RNF150: variants seen among roughly 807,000 people sequenced by gnomAD.
The protein encoded by RNF150 is ring finger protein 150.
RNF150 carries 24 observed loss-of-function variants against 39.3 expected under a neutral mutation model. The observed-to-expected ratio is 0.61, with a 90% CI of 0.44 to 0.86. The LOEUF is 0.86. RNF150 is among the 40% of genes least tolerant of loss of function. The probability of loss-of-function intolerance (pLI) is 0.00; values close to 1 mark genes in which losing one functional copy is unlikely to be tolerated. For missense variants in RNF150, 502 were observed against 587.8 expected (o/e 0.85, Z 1.51); for synonymous variants, 255 against 227.3 (o/e 1.12, Z -1.10).
At position 140,911,372 on chromosome 4, in the gene RNF150, G is replaced by T; in HGVS notation, c.988-18C>A. On this transcript the variant is annotated intron_variant, in intron 5 of 6. Transcript: ENST00000515673. Reference sequence around the variant, plus strand: ...GCATTGGGCTGATGGGGCAGAAAAAGATCTGTTCTCAGTACATGTCATCCA... The same window carrying T: ...GCATTGGGCTGATGGGGCAGAAAAATATCTGTTCTCAGTACATGTCATCCA... The T allele has an allele frequency of 4.4e-6, 7 of 1,608,844 alleles. No individual in the cohort carries two copies. The South Asian group carries it at 5.5e-5, about 13-fold the overall frequency.
intron 4 of RNF150, among the ~76,000 whole-genome samples, chr4:140,942,970 C>T (rs575872731): frequency 7.2e-5 from 11 of 152,314 alleles, no homozygotes; most frequent in African/African-American, 2.4e-4. Context: ...CTGCTTTTCT[C>T]TGTCTTCTGT....
chr4:141,171,460 AAGAG>A (rs67118049), intron 1 of RNF150, among the ~76,000 whole-genome samples: 72,509 of 148,368 alleles, frequency 0.49, 17,703 homozygotes, highest in East Asian at 0.82. Flanking sequence ...GACAGACAGA[AAGAG>A]AGAGAGAGAG....
chr4:140,962,301 C>A (rs888068617), intron 2 of RNF150, among the ~76,000 whole-genome samples: 3 of 151,824 alleles, frequency 2.0e-5, no homozygotes, highest in Non-Finnish European at 4.4e-5. Context: ...ATAAAATAAA[C>A]TTTAAAATTC....
upstream of RNF150, among the ~76,000 whole-genome samples, chr4:141,136,355 GA>G (rs150843030): frequency 1.3e-4 from 19 of 150,522 alleles, no homozygotes; most frequent in South Asian, 1.3e-3. Context: ...AAATGGTTCA[GA>G]AAAAAAAATG....
intron 2 of RNF150, among the ~76,000 whole-genome samples, chr4:140,951,603 G>A (rs1048766050): frequency 1.9e-4 from 29 of 151,076 alleles, no homozygotes; most frequent in African/African-American, 6.1e-4. Context: ...GCCAGTTAAC[G>A]GGAATATTTA....
chr4:140,904,140 G>C lies in RNF150; in HGVS notation c.1198+7004C>G, dbSNP rs113943448. Among the ~76,000 whole-genome samples the C allele has an allele frequency of 7.7e-3, 1,169 of 152,298 alleles. 25 individuals carry two copies. Among genetic ancestry groups the C allele is most frequent in the African/African-American group, 0.025 (1,055 of 41,544 alleles). On this transcript the variant is annotated intron_variant, in intron 6 of 6. Transcript: ENST00000515673. ...TTGGAACAGCTGTGCCTCTGGTGAA[G>C]CTGCCATGGAGATGGTGAGCTAGAG...
chr4:141,162,074 G>A (rs1727522318), intron 1 of RNF150, among the ~76,000 whole-genome samples: 2 of 152,160 alleles, frequency 1.3e-5, no homozygotes, highest in Non-Finnish European at 2.9e-5. Flanking sequence ...GAATGGTAGA[G>A]CCCTTGACAG....
At chr4:141,066,422 CA>C (rs532084625) in intron 1 of RNF150, among the ~76,000 whole-genome samples, 184 of 152,278 alleles carry the variant, frequency 1.2e-3, no homozygotes, top group Non-Finnish European at 2.3e-3. Context: ...AGAAATTAGA[CA>C]CTGAAGCCTA....
At chr4:141,000,010 AGAAGAAGAAGAAGAAG>A (rs1734565314) in intron 1 of RNF150, among the ~76,000 whole-genome samples, 13 of 37,364 alleles carry the variant, frequency 3.5e-4, no homozygotes, top group Non-Finnish European at 4.4e-4. Flanking sequence ...AAGAAGAAGA[AGAAGAAGAAGAAGAAG>A]AAGAAGAAGA....
intron 6 of RNF150, among the ~76,000 whole-genome samples, chr4:140,889,970 T>C (rs1221898619): frequency 6.6e-6 from 1 of 152,196 alleles, no homozygotes; most frequent in Non-Finnish European, 1.5e-5. Context: ...TGATGTTTCA[T>C]TTAAGCCTGC....
At chr4:140,978,969 T>C (rs961874284) in intron 1 of RNF150, among the ~76,000 whole-genome samples, 4 of 152,142 alleles carry the variant, frequency 2.6e-5, no homozygotes, top group Non-Finnish European at 5.9e-5. Flanking sequence ...ATATAAAATA[T>C]ATTAAATTCT....
chr4:140,919,313 A>T (rs1048913918), intron 5 of RNF150, among the ~76,000 whole-genome samples: 8 of 143,866 alleles, frequency 5.6e-5, no homozygotes, highest in African/African-American at 2.1e-4. Context: ...AAATCTCCTT[A>T]AGCTGATAAG....
chr4:141,169,852 C>T (rs992860016), intron 1 of RNF150, among the ~76,000 whole-genome samples: 1 of 151,872 alleles, frequency 6.6e-6, no homozygotes, highest in African/African-American at 2.4e-5. Flanking sequence ...AGTCATTTAA[C>T]ACATTTTTTT....
chr4:140,893,962 G>T (rs960619949), intron 6 of RNF150, among the ~76,000 whole-genome samples: 2 of 152,154 alleles, frequency 1.3e-5, no homozygotes, highest in African/African-American at 4.8e-5. Context: ...CAAGTCCATA[G>T]GGAGTTCCTG....
At chr4:140,921,650 G>T (rs982767671) in intron 5 of RNF150, among the ~76,000 whole-genome samples, 19 of 152,024 alleles carry the variant, frequency 1.2e-4, no homozygotes, top group Non-Finnish European at 2.4e-4. Context: ...CCAAAGCCTG[G>T]CAGAGACACA....
intron 1 of RNF150, among the ~76,000 whole-genome samples, chr4:140,977,595 T>C (rs1733711076): frequency 6.6e-6 from 1 of 152,146 alleles, no homozygotes; most frequent in Non-Finnish European, 1.5e-5. Context: ...GCACTTTACG[T>C]CCATATTATA....
chr4:141,109,602 A>T (rs968013619), intron 1 of RNF150, among the ~76,000 whole-genome samples: 1 of 152,036 alleles, frequency 6.6e-6, no homozygotes, highest in Non-Finnish European at 1.5e-5. Context: ...AAAATTTAAG[A>T]TGGGCCTTGA....
chr4:140,917,718 C>A (rs1434197466), intron 5 of RNF150, among the ~76,000 whole-genome samples: 1 of 151,972 alleles, frequency 6.6e-6, no homozygotes, highest in Non-Finnish European at 1.5e-5. Flanking sequence ...ACTCTCCACC[C>A]CAAATCAACA....
At chr4:140,889,005 G>T (rs1334816712) in intron 6 of RNF150, among the ~76,000 whole-genome samples, 1 of 152,008 alleles carries the variant, frequency 6.6e-6, no homozygotes. Context: ...TACTATGTCA[G>T]TGCTGAGATT....
Sources: gnomAD v4.1 joint callset for allele counts (sites outside exome capture counted in the v4.1 genomes callset) on GRCh38, gnomAD v4.1.1 for gene constraint, MANE v1.5 for transcripts, NCBI Gene and HGNC (gene_info 2026-07-23, HGNC 2026-07-21) for gene names.